The following KTN1 variants were observed in gnomAD, a reference collection of about 807,000 sequenced individuals.
The protein encoded by KTN1 is kinectin.
A neutral mutation model predicts 222.5 loss-of-function variants in KTN1; 130 were observed. That is an observed-to-expected ratio of 0.58 (90% CI 0.51 to 0.68). KTN1 has a LOEUF of 0.68. KTN1 is among the 30% of genes least tolerant of loss of function. The probability of loss-of-function intolerance (pLI) is 0.00; values close to 1 mark genes in which losing one functional copy is unlikely to be tolerated. For synonymous variants in KTN1, 512 were observed against 496.3 expected (o/e 1.03, Z -0.42); for missense variants, 1,508 against 1,500.4 (o/e 1.01, Z -0.08).
chr14:55,676,002 G>A, intron 41 of KTN1, 84 bp downstream of exon 41: 1 of 858,302 alleles, frequency 1.2e-6, no homozygotes, highest in Non-Finnish European at 1.8e-6. Context: ...TGCTAATTCT[G>A]GATTTGTTGT....
At chr14:55,681,119 A>T (rs1433653006) in intron 43 of KTN1, 1 of 182,026 alleles carries the variant, frequency 5.5e-6, no homozygotes, top group Non-Finnish European at 1.2e-5. Context: ...ATTTATTGTT[A>T]TTGATTACTT....
chr14:55,581,809 A>C (rs2031720395), intron 1 of KTN1, among the ~76,000 whole-genome samples: 1 of 152,160 alleles, frequency 6.6e-6, no homozygotes, highest in South Asian at 2.1e-4. Context: ...CCCAAGAATA[A>C]CACTAAATTA....
At chr14:55,633,534 GTTATA>G (rs1295976947) in intron 8 of KTN1, among the ~76,000 whole-genome samples, 193 bp downstream of exon 8, 1 of 151,298 alleles carries the variant, frequency 6.6e-6, no homozygotes, top group Non-Finnish European at 1.5e-5. Flanking sequence ...TGTAAACTAT[GTTATA>G]TTAATGTCAT....
chr14:55,646,681 A>G (rs1342658965), intron 18 of KTN1, among the ~76,000 whole-genome samples: 1 of 151,632 alleles, frequency 6.6e-6, no homozygotes, highest in Non-Finnish European at 1.5e-5. Context: ...GAAGTGAGGC[A>G]GATTGTCTTA....
chr14:55,646,285 A>G (rs1012897470), intron 18 of KTN1, among the ~76,000 whole-genome samples: 1 of 152,160 alleles, frequency 6.6e-6, no homozygotes, highest in Non-Finnish European at 1.5e-5. Context: ...CATAATATCT[A>G]TCTACCAAAA....
At chr14:55,608,349 A>G (rs1050436590) in intron 1 of KTN1, among the ~76,000 whole-genome samples, 2 of 152,178 alleles carry the variant, frequency 1.3e-5, no homozygotes, top group African/African-American at 2.4e-5. Context: ...TATTTTATGA[A>G]TTTATCATAA....
intron 5 of KTN1, among the ~76,000 whole-genome samples, chr14:55,619,778 C>T (rs558004425): frequency 6.6e-6 from 1 of 152,166 alleles, no homozygotes; most frequent in Non-Finnish European, 1.5e-5. Context: ...ATGGGAGCTA[C>T]AATTCAGGAT....
intron 1 of KTN1, among the ~76,000 whole-genome samples, chr14:55,596,796 A>G (rs1449517206): frequency 1.3e-5 from 2 of 150,086 alleles, no homozygotes; most frequent in East Asian, 1.9e-4. Context: ...TCAAAAGAAT[A>G]GAACCTTTTT....
chr14:55,589,703 G>T (rs2033749850), intron 1 of KTN1, among the ~76,000 whole-genome samples: 1 of 131,252 alleles, frequency 7.6e-6, no homozygotes, highest in Admixed American at 9.1e-5. Context: ...CTGTCGCCCA[G>T]GCTGGAGTGC....
intron 1 of KTN1, among the ~76,000 whole-genome samples, chr14:55,591,890 A>G (rs1445180718): frequency 6.6e-6 from 1 of 152,084 alleles, no homozygotes; most frequent in Non-Finnish European, 1.5e-5. Context: ...ATTTCTGATT[A>G]ATGAGAGAAA....
chr14:55,669,778 A>G (rs977852291), intron 34 of KTN1, among the ~76,000 whole-genome samples: 3 of 151,996 alleles, frequency 2.0e-5, no homozygotes, highest in African/African-American at 7.2e-5. Flanking sequence ...AACTAATTTG[A>G]TATTAAAGGT....
At chr14:55,650,822 A>G (rs1337946555) in intron 24 of KTN1, among the ~76,000 whole-genome samples, 185 bp downstream of exon 24, 1 of 152,160 alleles carries the variant, frequency 6.6e-6, no homozygotes, top group African/African-American at 2.4e-5. Context: ...GTATATCTTA[A>G]AAATTTTAAC....
Position 55,684,112 on chromosome 14 carries a change from G to T in KTN1, c.*9G>T. ...GATCTTTTACAGAGTGAAGTAATTG[G>T]GAAACTGTTCATTTGAGGATAAAAA... On this transcript the variant is annotated 3_prime_UTR_variant, in exon 44 of 44. Transcript: ENST00000395314. The T allele has an allele frequency of 6.2e-7, 1 of 1,600,106 alleles. No homozygotes were observed. The highest frequency in any genetic ancestry group is 8.5e-7 in the Non-Finnish European group (1 of 1,171,498).
chr14:55,623,349 T>C (rs2039397309), intron 5 of KTN1, among the ~76,000 whole-genome samples: 2 of 152,246 alleles, frequency 1.3e-5, no homozygotes, highest in Non-Finnish European at 1.5e-5. Context: ...ACAGATGCTT[T>C]ATTGCAAGGA....
At chr14:55,593,171 A>C (rs912799942) in intron 1 of KTN1, among the ~76,000 whole-genome samples, 1 of 151,920 alleles carries the variant, frequency 6.6e-6, no homozygotes, top group Non-Finnish European at 1.5e-5. Context: ...TTGTTTGGCA[A>C]CCCTTTTGCT....
chr14:55,620,535 TC>T (rs2038995522), intron 5 of KTN1, among the ~76,000 whole-genome samples: 1 of 152,194 alleles, frequency 6.6e-6, no homozygotes, highest in Non-Finnish European at 1.5e-5. Context: ...GGCAGAGGTT[TC>T]CCAAAACTCA....
rs776985403 is a variant in KTN1 at position 55,656,149 on chromosome 14, A to T, written c.2892+17A>T. ...CTGTTACAGGTGAATATGGTGACTTAAAATTAATTATTTTGTAAATTATTG... is the reference window on the plus strand; with the variant it reads ...CTGTTACAGGTGAATATGGTGACTTTAAATTAATTATTTTGTAAATTATTG... On this transcript the variant is annotated intron_variant, in intron 29 of 43. Coordinates refer to ENST00000395314, the MANE Select transcript of KTN1 (RefSeq NM_001079521.2). 21 of 1,484,448 alleles carry T rather than the reference A, an allele frequency of 1.4e-5. No homozygotes were observed. The highest frequency in any genetic ancestry group is 1.9e-5 in the Non-Finnish European group (21 of 1,078,942). The allele number at this position is 1,484,448 out of a possible 1,614,324, so 92.0% of individuals were successfully genotyped here. A position where few individuals can be genotyped will look rare whatever the true frequency, so the allele number is the denominator to read the frequency against.
intron 24 of KTN1, among the ~76,000 whole-genome samples, chr14:55,650,932 C>T (rs1023192746): frequency 1.3e-5 from 2 of 151,422 alleles, no homozygotes. Context: ...TTTTTTAATC[C>T]CCCTGCCCCC....
intron 6 of KTN1, among the ~76,000 whole-genome samples, chr14:55,629,122 G>A (rs1254017687): frequency 6.6e-6 from 1 of 152,146 alleles, no homozygotes; most frequent in Non-Finnish European, 1.5e-5. Flanking sequence ...CCTCATTTAA[G>A]ATTTGACTTA....
Sources: allele counts gnomAD v4.1 joint callset (sites outside exome capture counted in the v4.1 genomes callset), GRCh38; gene constraint gnomAD v4.1.1; transcripts MANE v1.5; gene names NCBI Gene and HGNC (gene_info 2026-07-23, HGNC 2026-07-21).